Variants in CEP41 observed in about 807,000 individuals in gnomAD.
CEP41 encodes the protein centrosomal protein of 41 kDa.
In CEP41, 32 loss-of-function variants were observed where a neutral mutation model predicts 44.3. The observed-to-expected ratio is 0.72, with a 90% CI of 0.54 to 0.97. The LOEUF (loss-of-function observed/expected upper bound fraction) is 0.97, where lower values mean the gene tolerates loss of function less well. Among genes scored for constraint, CEP41 ranks in the 50% least tolerant of loss-of-function variants. The pLI is 0.00. For missense variants in CEP41, 432 were observed against 455.2 expected (o/e 0.95, Z 0.46); for synonymous variants, 151 against 168.5 (o/e 0.90, Z 0.80).
chr7:130,397,676 G>C lies in CEP41; in HGVS notation c.*1215C>G, dbSNP rs952370359. The C allele has an allele frequency of 1.1e-5, 5 of 454,198 alleles. No individual in the cohort carries two copies. Among genetic ancestry groups the C allele is most frequent in the East Asian group, 7.0e-5 (1 of 14,384 alleles). The allele number at this position is 454,198 out of a possible 1,614,324, so 28.1% of individuals were successfully genotyped here. On this transcript the variant is annotated 3_prime_UTR_variant, in exon 11 of 11. Transcript: ENST00000223208. ...TTCCTCAGTCCCTTATCACAGCTACGATCACAGACCATAAAAATTAACACC... is the reference window on the plus strand; with the variant it reads ...TTCCTCAGTCCCTTATCACAGCTACCATCACAGACCATAAAAATTAACACC...
At chr7:130,408,022 G>C (rs942078123) in intron 5 of CEP41, among the ~76,000 whole-genome samples, 6 of 152,086 alleles carry the variant, frequency 3.9e-5, no homozygotes, top group African/African-American at 1.4e-4. Context: ...AGGTAAAAAT[G>C]CAAGTAAGAT....
At chr7:130,423,643 A>G (rs782093403) in intron 2 of CEP41, among the ~76,000 whole-genome samples, 3 of 152,238 alleles carry the variant, frequency 2.0e-5, no homozygotes, top group Admixed American at 6.5e-5. Context: ...TTAAAAACAC[A>G]TGTTCACACA....
At chr7:130,421,933 G>A (rs782370450) in intron 2 of CEP41, 53 of 1,535,312 alleles carry the variant, frequency 3.5e-5, no homozygotes, top group Non-Finnish European at 4.2e-5. Context: ...CGCAGCCAGG[G>A]ATTTCATCAG....
rs79257663 is a variant in CEP41 at position 130,420,782 on chromosome 7, T to A, written c.98-3816A>T. 0.1 allele frequency: 58,539 copies of A among 566,192 alleles called. 3,129 individuals are homozygous for A. Among genetic ancestry groups the A allele is most frequent in the East Asian group, 0.15 (1,045 of 6,888 alleles). The allele number at this position is 566,192 out of a possible 1,614,324, so 35.1% of individuals were successfully genotyped here. A position where few individuals can be genotyped will look rare whatever the true frequency, so the allele number is the denominator to read the frequency against. Reference sequence around the variant, plus strand: ...GCGAGACTTCATCTCAATAAATAAATAAATAAATAAATAGGAAAAATACAC... The same window carrying A: ...GCGAGACTTCATCTCAATAAATAAAAAAATAAATAAATAGGAAAAATACAC... On this transcript the variant is annotated intron_variant, in intron 2 of 10. Coordinates refer to ENST00000223208, the MANE Select transcript of CEP41 (RefSeq NM_018718.3).
intron 9 of CEP41, 76 bp from the exon 10 acceptor site, chr7:130,400,330 T>C (rs1208334643): frequency 8.1e-6 from 8 of 982,988 alleles, no homozygotes; most frequent in Non-Finnish European, 1.3e-5. Context: ...GAAGCCTGCA[T>C]GTCTTCTAAT....
chr7:130,437,764 C>CAAAAAAAAAAAAAAGAAAAAA (rs1798011544), intron 1 of CEP41, among the ~76,000 whole-genome samples: 1 of 32,426 alleles, frequency 3.1e-5, no homozygotes, highest in African/African-American at 1.2e-4. Flanking sequence ...AAGACTGTCT[C>CAAAAAAAAAAAAAAGAAAAAA]AAAAAAAAAA....
intron 5 of CEP41, among the ~76,000 whole-genome samples, chr7:130,408,986 T>C (rs1246055049): frequency 6.6e-6 from 1 of 152,106 alleles, no homozygotes; most frequent in Non-Finnish European, 1.5e-5. Context: ...ACAAAGAATA[T>C]AGATTTAATT....
At chr7:130,437,343 C>A (rs191671887) in intron 1 of CEP41, among the ~76,000 whole-genome samples, 1 of 146,734 alleles carries the variant, frequency 6.8e-6, no homozygotes, top group Admixed American at 6.9e-5. Context: ...ATATAAATAT[C>A]TTTGTAAAGT....
intron 1 of CEP41, among the ~76,000 whole-genome samples, chr7:130,437,493 G>A (rs2117717870): frequency 6.6e-6 from 1 of 152,012 alleles, no homozygotes; most frequent in Non-Finnish European, 1.5e-5. Context: ...GCTGATGATG[G>A]CCAGGTGTGG....
chr7:130,441,033 C>G (rs193248451), upstream of CEP41: 16 of 1,556,332 alleles, frequency 1.0e-5, no homozygotes, highest in Admixed American at 2.7e-4. Context: ...AGCTTCCTAC[C>G]CCCACAACCT....
At chr7:130,406,732 C>T (rs1797021471) in intron 5 of CEP41, among the ~76,000 whole-genome samples, 1 of 149,946 alleles carries the variant, frequency 6.7e-6, no homozygotes, top group Non-Finnish European at 1.5e-5. Flanking sequence ...AAAAGAAATG[C>T]TAAAATATTT....
intron 10 of CEP41, chr7:130,399,312 A>AC (rs1796770748): frequency 2.0e-6 from 1 of 487,944 alleles, no homozygotes; most frequent in Non-Finnish European, 3.7e-6. Flanking sequence ...GTCCTCCACT[A>AC]CTTCCTTGGT....
chr7:130,440,508 G>A, intron 1 of CEP41: 4 of 346,546 alleles, frequency 1.2e-5, no homozygotes, highest in South Asian at 2.7e-5. Flanking sequence ...TATTTTGCCC[G>A]TTTTCCAAAG....
At chr7:130,438,469 T>C (rs1342900148) in intron 1 of CEP41, among the ~76,000 whole-genome samples, 1 of 152,060 alleles carries the variant, frequency 6.6e-6, no homozygotes, top group Non-Finnish European at 1.5e-5. Flanking sequence ...TGAGGCTGGA[T>C]AATTGCTTGA....
At chr7:130,436,929 C>G (rs554998917) in intron 1 of CEP41, among the ~76,000 whole-genome samples, 1 of 152,246 alleles carries the variant, frequency 6.6e-6, no homozygotes, top group Non-Finnish European at 1.5e-5. Context: ...ATCCCAGCTA[C>G]TTGGGAAGCT....
intron 1 of CEP41, among the ~76,000 whole-genome samples, chr7:130,432,737 G>A (rs1554425369): frequency 6.6e-6 from 1 of 152,068 alleles, no homozygotes. Context: ...TCCAGCCTGT[G>A]TGACAGAGTG....
intron 5 of CEP41, among the ~76,000 whole-genome samples, chr7:130,408,871 A>T (rs1484189109): frequency 2.0e-5 from 3 of 152,232 alleles, no homozygotes; most frequent in African/African-American, 7.2e-5. Flanking sequence ...CAGATATTAG[A>T]TGACAACACA....
At chr7:130,421,093 A>G (rs1037543941) in intron 2 of CEP41, 1 of 984,370 alleles carries the variant, frequency 1.0e-6, no homozygotes, top group African/African-American at 1.7e-5. Flanking sequence ...AAACTTTACA[A>G]TTAGAATCAA....
rs782433816 is a variant in CEP41 at position 130,432,858 on chromosome 7, T to G, written c.34-4840A>C. 5.9e-5 allele frequency among the ~76,000 whole-genome samples: 9 copies of G among 151,632 alleles called. No homozygotes were observed. The East Asian group carries it at 1.4e-3, about 23-fold the overall frequency. On this transcript the variant is annotated intron_variant, in intron 1 of 10. Coordinates refer to ENST00000223208, the MANE Select transcript of CEP41 (RefSeq NM_018718.3). ...GCTAGAAAAAAACAAGATTTGGGAG[T>G]TGTCAGCCTACAGGCAGCAGAGGAA... is the stretch of plus-strand genomic sequence containing the variant.
Sources: gnomAD v4.1 joint callset for allele counts (sites outside exome capture counted in the v4.1 genomes callset) on GRCh38, gnomAD v4.1.1 for gene constraint, MANE v1.5 for transcripts, NCBI Gene and HGNC (gene_info 2026-07-23, HGNC 2026-07-21) for gene names.